Variants in RELL1 observed in about 807,000 individuals in gnomAD.
RELL1 encodes RELT like 1, also known as RELT-like protein 1.
Under a neutral mutation model 23.0 loss-of-function variants are expected in RELL1, and 10 were observed. The ratio of observed to expected loss-of-function variants is 0.43; its 90% CI spans 0.27 to 0.74. The LOEUF is 0.74. Ranked by LOEUF, RELL1 falls within the 30% of genes least tolerant of loss-of-function variation. The pLI, the probability that RELL1 is intolerant of heterozygous loss-of-function variation, is 0.19. For missense variants in RELL1, 315 were observed against 364.4 expected (o/e 0.86, Z 1.10); for synonymous variants, 146 against 146.8 (o/e 0.99, Z 0.04).
intron 1 of RELL1, among the ~76,000 whole-genome samples, chr4:37,681,866 A>G (rs1023538119): frequency 6.6e-6 from 1 of 152,138 alleles, no homozygotes; most frequent in African/African-American, 2.4e-5. Flanking sequence ...GCCCTGACTT[A>G]AGGCTTGGTG....
At chr4:37,608,677 GCT>G, downstream of RELL1, among the ~76,000 whole-genome samples, 1 of 148,086 alleles carries the variant, frequency 6.8e-6, no homozygotes, top group South Asian at 2.1e-4. Flanking sequence ...ACAGAGTCTA[GCT>G]CTGTCACCCA....
At chr4:37,630,493 T>C (rs1386422714) in intron 6 of RELL1, among the ~76,000 whole-genome samples, 1 of 151,046 alleles carries the variant, frequency 6.6e-6, no homozygotes, top group Non-Finnish European at 1.5e-5. Context: ...GCCTCCTGAG[T>C]AGCTGGGACT....
rs200324626 is a variant in RELL1 at position 37,674,167 on chromosome 4, A to G, written c.88+12033T>C. Among the ~76,000 whole-genome samples the G allele has an allele frequency of 1.2e-4, 18 of 152,362 alleles. No homozygotes were observed. In the East Asian group the frequency reaches 3.3e-3, roughly 28 times the overall value. On this transcript the variant is annotated intron_variant, in intron 1 of 6. Transcript: ENST00000454158. ...CCAAACACATTCTCTACTATACTAT[A>G]GTGATTTGTATTCATAGCTTATCTC...
Position 37,649,519 on chromosome 4 carries a change from A to G in RELL1, c.89-19T>C, listed in dbSNP as rs770778657. 6 of 1,599,784 alleles carry G rather than the reference A, an allele frequency of 3.8e-6. No individual in the cohort carries two copies. The South Asian group carries it at 4.4e-5, about 12-fold the overall frequency. On this transcript the variant is annotated intron_variant, in intron 1 of 6. Coordinates refer to ENST00000454158, the MANE Select transcript of RELL1 (RefSeq NM_001085400.2). Reference sequence around the variant, plus strand: ...CCATTGTCTACAGAAAGAAACATGCATGCTGCATTAGATATCTGTCCAGGG... The same window carrying G: ...CCATTGTCTACAGAAAGAAACATGCGTGCTGCATTAGATATCTGTCCAGGG...
At chr4:37,637,297 C>T (rs192565661) in intron 4 of RELL1, among the ~76,000 whole-genome samples, 67 of 152,346 alleles carry the variant, frequency 4.4e-4, no homozygotes, top group African/African-American at 1.5e-3. Flanking sequence ...ACACATCTAA[C>T]GTAGCCAGTT....
Position 37,612,322 on chromosome 4 carries a change from T to TTAAAA in RELL1, c.*1023_*1024insTTTTA, listed in dbSNP as rs546339779. Reference sequence around the variant, plus strand: ...AACCAAGAATCGCTCAGCTAAAGGTTAAAAAAAAAAAAAAAACAAAAAAAA... The same window carrying TTAAAA: ...AACCAAGAATCGCTCAGCTAAAGGTTTAAAAAAAAAAAAAAAAAAAACAAAAAAAA... On this transcript the variant is annotated 3_prime_UTR_variant, in exon 7 of 7. Transcript: ENST00000454158. 3.6e-4 allele frequency among the ~76,000 whole-genome samples: 30 copies of TTAAAA among 83,502 alleles called. No homozygotes were observed. Among genetic ancestry groups the TTAAAA allele is most frequent in the African/African-American group, 1.3e-3 (23 of 17,588 alleles). 54.8% of individuals were successfully genotyped at this position (83,502 alleles called of 152,430 possible).
chr4:37,668,451 CG>C (rs1315029713), intron 1 of RELL1, among the ~76,000 whole-genome samples: 47 of 152,252 alleles, frequency 3.1e-4, no homozygotes, highest in Admixed American at 3.1e-3. Context: ...CTCCTAACCG[CG>C]AGTGATCCGC....
At position 37,611,566 on chromosome 4, in the gene RELL1, GAAATA is replaced by G. The variant is rs1723735691; in HGVS notation, c.*1775_*1779del. 6.6e-6 allele frequency among the ~76,000 whole-genome samples: 1 copy of G among 152,078 alleles called. No individual in the cohort carries two copies. The highest frequency in any genetic ancestry group is 1.5e-5 in the Non-Finnish European group (1 of 68,014). On this transcript the variant is annotated 3_prime_UTR_variant, in exon 7 of 7. Transcript: ENST00000454158. ...ATGAAAGATGTGCATTTTCCTATAT[GAAATA>G]AAAGAAGTGCTCAAGGCACCCCCCA... is the stretch of plus-strand genomic sequence containing the variant.
intron 1 of RELL1, among the ~76,000 whole-genome samples, chr4:37,669,183 G>A (rs1387658801): frequency 9.9e-4 from 2 of 2,022 alleles, no homozygotes; most frequent in East Asian, 0.091. Flanking sequence ...GAGGGAGGTG[G>A]GGGGGGGGGT....
At chr4:37,607,674 G>A (rs1359283688), downstream of RELL1, among the ~76,000 whole-genome samples, 1 of 150,648 alleles carries the variant, frequency 6.6e-6, no homozygotes, top group African/African-American at 2.4e-5. Context: ...CCTCTTCCCA[G>A]GTTCAAGCAA....
intron 3 of RELL1, 43 bp downstream of exon 3, chr4:37,647,325 G>C: frequency 7.2e-7 from 1 of 1,387,162 alleles, no homozygotes; most frequent in South Asian, 1.2e-5. Flanking sequence ...TTTAATAAAG[G>C]ATAGGAATAC....
intron 6 of RELL1, among the ~76,000 whole-genome samples, chr4:37,624,465 G>C (rs1327248790): frequency 6.9e-6 from 1 of 145,040 alleles, no homozygotes; most frequent in East Asian, 2.0e-4. Flanking sequence ...TGTCGCCCAG[G>C]CTGGAGTGCA....
chr4:37,595,415 G>T (rs376757607), intron 6 of RELL1, among the ~76,000 whole-genome samples: 1 of 152,154 alleles, frequency 6.6e-6, no homozygotes, highest in Non-Finnish European at 1.5e-5. Flanking sequence ...AAAAAAATGC[G>T]TTTGGCCTGA....
rs781450757 is a variant in RELL1 at position 37,614,673 on chromosome 4, TA to T, written c.*4-1332del. 9.0e-3 allele frequency among the ~76,000 whole-genome samples: 1,146 copies of T among 127,184 alleles called. 6 individuals carry two copies. Among genetic ancestry groups the T allele is most frequent in the Middle Eastern group, 0.012 (3 of 250 alleles). 83.4% of individuals were successfully genotyped at this position (127,184 alleles called of 152,430 possible). ...AGGTAGAGACATATAAAAATGGCCC[TA>T]AAAAAAAAAAAAGGAAAAAATGAGA... is the stretch of plus-strand genomic sequence containing the variant. On this transcript the variant is annotated intron_variant, in intron 6 of 6. Transcript: ENST00000454158.
chr4:37,596,736 ATTTTTTTTTTTTTTTTTT>A (rs1178565372), intron 6 of RELL1, among the ~76,000 whole-genome samples: 1 of 16,498 alleles, frequency 6.1e-5, no homozygotes, highest in African/African-American at 1.3e-4. Context: ...ATATATATAT[ATTTTTTTTTTTTTTTTTT>A]TTTTTTTTTT....
intron 3 of RELL1, among the ~76,000 whole-genome samples, chr4:37,642,160 C>T (rs992575001): frequency 1.6e-4 from 25 of 152,298 alleles, no homozygotes; most frequent in African/African-American, 5.1e-4. Context: ...TCAGAACCCA[C>T]TCGGTACTCA....
chr4:37,631,312 C>T (rs1413827027), intron 6 of RELL1, 73 bp downstream of exon 6: 4 of 1,493,594 alleles, frequency 2.7e-6, no homozygotes, highest in Non-Finnish European at 3.6e-6. Flanking sequence ...TGCCACAGCA[C>T]CTGGGAGGCT....
chr4:37,684,365 C>T (rs1722329585), intron 1 of RELL1, among the ~76,000 whole-genome samples: 1 of 147,386 alleles, frequency 6.8e-6, no homozygotes, highest in South Asian at 2.1e-4. Flanking sequence ...AAAAAAAAGG[C>T]TGTCATGCAA....
chr4:37,622,909 A>G lies in RELL1; in HGVS notation c.*3+8476T>C, dbSNP rs1223263323. The G allele has an allele frequency of 1.6e-5, 7 of 428,912 alleles. No homozygotes were observed. The Admixed American group carries it at 1.9e-4, about 12-fold the overall frequency. The allele number at this position is 428,912 out of a possible 1,614,324, so 26.6% of individuals were successfully genotyped here. A position where few individuals can be genotyped will look rare whatever the true frequency, so the allele number is the denominator to read the frequency against. On this transcript the variant is annotated intron_variant, in intron 6 of 6. Transcript: ENST00000454158. ...AACCTCTGCCTCCCGGGTTCAACTG[A>G]CTCTCCTGCCTCAGCCTCCCGAGTA...
Sources: gnomAD v4.1 joint callset for allele counts (sites outside exome capture counted in the v4.1 genomes callset) on GRCh38, gnomAD v4.1.1 for gene constraint, MANE v1.5 for transcripts, NCBI Gene and HGNC (gene_info 2026-07-23, HGNC 2026-07-21) for gene names.